KIF4A: variants seen among roughly 807,000 people sequenced by gnomAD.
KIF4A encodes chromosome-associated kinesin KIF4A.
In KIF4A, 7 loss-of-function variants were observed where a neutral mutation model predicts 105.9. The observed-to-expected ratio is 0.07, with a 90% CI of 0.04 to 0.12. KIF4A has a LOEUF of 0.12. Among genes scored for constraint, KIF4A ranks in the 10% least tolerant of loss-of-function variants. KIF4A has a pLI of 1.00. For synonymous variants in KIF4A, 281 were observed against 331.3 expected, an observed-to-expected ratio of 0.85 and a Z score of 1.65; for missense variants, 558 against 929.2, an observed-to-expected ratio of 0.60 and a Z score of 5.19.
intron 20 of KIF4A, among the ~76,000 whole-genome samples, chrX:70,388,777 A>G (rs2086226968): frequency 8.9e-6 from 1 of 112,136 alleles, no homozygotes; most frequent in Non-Finnish European, 1.9e-5. Context: ...AAAATTCTTT[A>G]TATATTCTAG....
intron 7 of KIF4A, among the ~76,000 whole-genome samples, chrX:70,310,481 G>A (rs1369773487): frequency 5.4e-5 from 6 of 110,913 alleles, no homozygotes; most frequent in Admixed American, 9.6e-5. Context: ...TTCTATTCTC[G>A]TATTGTTGAG....
chrX:70,300,136 G>C (rs1250416363), intron 5 of KIF4A, among the ~76,000 whole-genome samples: 6 of 111,461 alleles, frequency 5.4e-5, no homozygotes, highest in Admixed American at 9.6e-5. Flanking sequence ...AAGATTTGGG[G>C]TACCAGTGAG....
chrX:70,329,395 C>T lies in KIF4A; in HGVS notation c.779-10C>T, dbSNP rs753326136. 1 of 1,189,892 alleles carries T rather than the reference C, an allele frequency of 8.4e-7. No homozygotes were observed. Among genetic ancestry groups the T allele is most frequent in the South Asian group, 1.8e-5 (1 of 54,880 alleles). ...TACCAAGCAATTTAAATTTCATTTC[C>T]TGCTATTAGGTATTAATATTAACCG... On this transcript the variant is annotated splice_polypyrimidine_tract_variant and intron_variant, in intron 7 of 30. Transcript: ENST00000374403.
chrX:70,310,348 T>TGTGTGTGC (rs56051172), intron 7 of KIF4A, among the ~76,000 whole-genome samples: 1,203 of 107,536 alleles, frequency 0.011, 14 homozygotes, highest in Middle Eastern at 0.028. Flanking sequence ...TGTGTGTGTG[T>TGTGTGTGC]GCCTGGATTC....
At chrX:70,394,590 G>A (rs189078203) in intron 20 of KIF4A, among the ~76,000 whole-genome samples, 1 of 111,936 alleles carries the variant, frequency 8.9e-6, no homozygotes, top group African/African-American at 3.2e-5. Flanking sequence ...GTAGGTTTGA[G>A]CTATCATCTT....
At chrX:70,387,373 T>C (rs2086221942) in intron 20 of KIF4A, 76 bp downstream of exon 20, 1 of 771,003 alleles carries the variant, frequency 1.3e-6, no homozygotes. Flanking sequence ...TTTTTTTTTT[T>C]CCTTTTTTTA....
chrX:70,403,173 G>C (rs1488837122), intron 23 of KIF4A, among the ~76,000 whole-genome samples: 1 of 112,208 alleles, frequency 8.9e-6, no homozygotes, highest in Non-Finnish European at 1.9e-5. Context: ...GTCACAAGAG[G>C]AATGAAAATT....
chrX:70,393,972 TCTA>T (rs760261611), intron 20 of KIF4A, among the ~76,000 whole-genome samples: 1 of 106,455 alleles, frequency 9.4e-6, no homozygotes, highest in East Asian at 2.9e-4. Flanking sequence ...CTCAAATGAT[TCTA>T]CTACTTCATC....
chrX:70,296,276 G>C (rs1473599722), intron 3 of KIF4A, among the ~76,000 whole-genome samples: 3 of 109,179 alleles, frequency 2.7e-5, no homozygotes, highest in African/African-American at 1.0e-4. Context: ...GTAGAGACAG[G>C]GTTTCACCAT....
chrX:70,370,450 A>G (rs1378052575), intron 15 of KIF4A, among the ~76,000 whole-genome samples: 2 of 107,446 alleles, frequency 1.9e-5, no homozygotes, highest in Non-Finnish European at 3.8e-5. Flanking sequence ...ATATTTTTCT[A>G]TAAGTATAGA....
At chrX:70,395,583 C>G (rs2086256197) in intron 20 of KIF4A, 88 bp from the exon 21 acceptor site, 1 of 1,115,882 alleles carries the variant, frequency 9.0e-7, no homozygotes, top group Admixed American at 2.3e-5. Flanking sequence ...GGGCTCTGGT[C>G]CAAATGAAGT....
At chrX:70,342,207 A>C (rs1602757692) in intron 11 of KIF4A, among the ~76,000 whole-genome samples, 1 of 112,029 alleles carries the variant, frequency 8.9e-6, no homozygotes, top group African/African-American at 3.2e-5. Flanking sequence ...AAATACCAGA[A>C]AGTAAAGAAC....
chrX:70,322,087 TC>T (rs971883582), intron 7 of KIF4A, among the ~76,000 whole-genome samples: 6 of 107,616 alleles, frequency 5.6e-5, no homozygotes, highest in Non-Finnish European at 9.6e-5. Flanking sequence ...CCTGTCACCC[TC>T]CCCCCCCAAA....
Position 70,376,130 on chromosome X carries a change from C to T in KIF4A, c.1954C>T (p.Arg652Cys). The part of the protein sequence containing the change: ...MMKNQRVQLM[R>C]QMKEDAEKFR... ...GAAAAACCAGCGGGTACAGTTAATG[C>T]GTCAAATGAAAGAAGATGCTGAGAA... The change falls in exon 18 of 31, where the codon CGT becomes TGT. Residue 652 changes from arginine (R) to cysteine (C), a missense_variant. Arg to Cys is a radical substitution (Grantham distance 180). Around this residue, in one of 2 missense-constraint regions of KIF4A, gnomAD observed 469 missense variants for 680.4 expected, o/e 0.69. Transcript: ENST00000374403. 2 of 1,204,573 alleles carry T rather than the reference C, an allele frequency of 1.7e-6. No individual in the cohort carries two copies. The highest frequency in any genetic ancestry group is 2.2e-6 in the Non-Finnish European group (2 of 890,627).
At chrX:70,307,042 T>G (rs972237989) in intron 7 of KIF4A, among the ~76,000 whole-genome samples, 70 of 110,171 alleles carry the variant, frequency 6.4e-4, no homozygotes, top group African/African-American at 2.2e-3. Context: ...CCCAGGCTGG[T>G]CTTGAATGCC....
chrX:70,405,483 T>C (rs913623781), intron 25 of KIF4A, among the ~76,000 whole-genome samples: 1 of 111,557 alleles, frequency 9.0e-6, no homozygotes, highest in African/African-American at 3.3e-5. Context: ...TCTATAGACT[T>C]CAAGAAAATA....
chrX:70,360,434 G>T (rs779259643), intron 15 of KIF4A, among the ~76,000 whole-genome samples: 13 of 112,574 alleles, frequency 1.2e-4, no homozygotes, highest in Non-Finnish European at 1.9e-4. Context: ...GCCGAGCCTT[G>T]GTTGCTCAAC....
In KIF4A at chrX:70,376,164, A is replaced by G; in HGVS notation, c.1988A>G (p.Gln663Arg). Residue 663 changes from glutamine (Q) to arginine (R), a missense_variant, in exon 18 of 31, where the codon CAG becomes CGG. Gln to Arg is a conservative substitution (Grantham distance 43). Transcript: ENST00000374403. ...QMKEDAEKFR[Q>R]WKQKKDKEVI... ...AAAGAAGATGCTGAGAAGTTTAGAC[A>G]GTGGAAGCAGAAAAAAGACAAAGAA... 1 of 1,205,593 alleles carries G rather than the reference A, an allele frequency of 8.3e-7. No homozygotes were observed. Among genetic ancestry groups the G allele is most frequent in the African/African-American group, 1.7e-5 (1 of 57,813 alleles).
At chrX:70,384,182 C>T (rs1285183164) in intron 18 of KIF4A, among the ~76,000 whole-genome samples, 2 of 112,164 alleles carry the variant, frequency 1.8e-5, no homozygotes, top group African/African-American at 3.2e-5. Flanking sequence ...CTCACTTCTG[C>T]ATTTCCAATG....
Sources: allele counts gnomAD v4.1 joint callset (sites outside exome capture counted in the v4.1 genomes callset), GRCh38; gene constraint gnomAD v4.1.1; regional missense constraint gnomAD v4.1.1; transcripts MANE v1.5; gene names NCBI Gene and HGNC (gene_info 2026-07-23, HGNC 2026-07-21).